The following SGCZ variants were observed in gnomAD, a reference collection of about 807,000 sequenced individuals.
The protein encoded by SGCZ is zeta-sarcoglycan.
SGCZ carries 40 observed loss-of-function variants against 41.3 expected under a neutral mutation model. That is an observed-to-expected ratio of 0.97 (90% confidence interval 0.75 to 1.26). SGCZ has a LOEUF of 1.26. Ranked by LOEUF, SGCZ falls within the 50% of genes most tolerant of loss-of-function variation. The probability of loss-of-function intolerance (pLI) is 0.00; values close to 1 mark genes in which losing one functional copy is unlikely to be tolerated. For synonymous variants in SGCZ, 206 were observed against 137.5 expected (o/e 1.50, Z -3.49); for missense variants, 552 against 369.8 (o/e 1.49, Z -4.04).
rs559816109 is a variant in SGCZ, at chr8:14,389,156, T to C, written c.235-64952A>G. ...AATACTGTTGAGGTGAGTATTAGAA[T>C]ACCGGACAATATACTTGGAGAAATC... On this transcript the variant is annotated intron_variant, in intron 2 of 7. Coordinates refer to ENST00000382080, the MANE Select transcript of SGCZ (RefSeq NM_139167.4). Among the ~76,000 whole-genome samples the C allele has an allele frequency of 6.0e-4, 91 of 152,042 alleles. 1 individual carries two copies. Among genetic ancestry groups the C allele is most frequent in the Non-Finnish European group, 1.0e-3 (68 of 67,920 alleles).
intron 7 of SGCZ, among the ~76,000 whole-genome samples, chr8:14,094,045 T>C (rs1167554486): frequency 6.6e-6 from 1 of 152,076 alleles, no homozygotes; most frequent in African/African-American, 2.4e-5. Context: ...CTCTCCCCTC[T>C]AAGTTACAAA....
intron 1 of SGCZ, among the ~76,000 whole-genome samples, chr8:14,799,355 G>A (rs975679497): frequency 1.3e-5 from 2 of 152,098 alleles, no homozygotes; most frequent in African/African-American, 4.8e-5. Flanking sequence ...TTTAAATAAA[G>A]ATTCACTTTA....
chr8:15,036,147 A>G (rs955656650), intron 1 of SGCZ, among the ~76,000 whole-genome samples: 1 of 152,126 alleles, frequency 6.6e-6, no homozygotes. Flanking sequence ...GAAAAAGGAG[A>G]TGTTACACTA....
intron 1 of SGCZ, among the ~76,000 whole-genome samples, chr8:15,175,269 A>G (rs762299494): frequency 4.6e-5 from 7 of 152,098 alleles, no homozygotes; most frequent in Non-Finnish European, 7.4e-5. Context: ...TAGCAAAAAC[A>G]TGGAATCAAC....
intron 2 of SGCZ, among the ~76,000 whole-genome samples, chr8:14,537,714 A>G (rs1267735083): frequency 2.0e-5 from 3 of 151,920 alleles, no homozygotes; most frequent in East Asian, 1.9e-4. Flanking sequence ...ATCATGCTCA[A>G]CTGTGTCATT....
intron 1 of SGCZ, among the ~76,000 whole-genome samples, chr8:15,162,249 T>C (rs1386818370): frequency 1.3e-5 from 2 of 151,032 alleles, no homozygotes; most frequent in African/African-American, 4.9e-5. Flanking sequence ...TTTGCATTAA[T>C]CAATAGATTA....
intron 1 of SGCZ, among the ~76,000 whole-genome samples, chr8:14,858,511 G>C (rs529723449): frequency 6.6e-6 from 1 of 152,220 alleles, no homozygotes; most frequent in Admixed American, 6.5e-5. Flanking sequence ...GTTGGATATA[G>C]TTGGCAAAGG....
At position 14,473,554 on chromosome 8, in the gene SGCZ, C is replaced by T. The variant is rs567118283; in HGVS notation, c.234+81178G>A. ...AATTTTGACCCAGAATTGTCAACTA[C>T]ATAGGTGTTAGTGATAGGTATTAGT... is the stretch of plus-strand genomic sequence containing the variant. On this transcript the variant is annotated intron_variant, in intron 2 of 7. Transcript: ENST00000382080. Among the ~76,000 whole-genome samples, 12 of 152,202 alleles carry T rather than the reference C, an allele frequency of 7.9e-5. No homozygotes were observed. In the South Asian group the frequency reaches 2.5e-3, roughly 32 times the overall value.
chr8:14,823,703 A>G (rs1802191910), intron 1 of SGCZ, among the ~76,000 whole-genome samples: 1 of 152,192 alleles, frequency 6.6e-6, no homozygotes, highest in African/African-American at 2.4e-5. Context: ...GAACTACCAT[A>G]TCATCCAGCA....
chr8:14,175,970 A>G (rs1190854401), intron 4 of SGCZ, among the ~76,000 whole-genome samples: 2 of 152,178 alleles, frequency 1.3e-5, no homozygotes, highest in African/African-American at 4.8e-5. Flanking sequence ...GTGTTATTCC[A>G]TAACGACAAA....
chr8:14,169,653 A>G (rs938807665), intron 4 of SGCZ, among the ~76,000 whole-genome samples: 3 of 152,174 alleles, frequency 2.0e-5, no homozygotes, highest in Admixed American at 1.3e-4. Flanking sequence ...GGGGCTGGCT[A>G]TCTTTCGCTA....
chr8:14,755,251 G>C (rs1243071495), intron 1 of SGCZ, among the ~76,000 whole-genome samples: 2 of 151,834 alleles, frequency 1.3e-5, no homozygotes, highest in Non-Finnish European at 2.9e-5. Flanking sequence ...AACAGCATTT[G>C]TTTGCTGTTT....
intron 4 of SGCZ, among the ~76,000 whole-genome samples, chr8:14,182,014 T>G (rs2117025267): frequency 6.6e-6 from 1 of 152,300 alleles, no homozygotes; most frequent in South Asian, 2.1e-4. Context: ...GAGATATGTT[T>G]TACTAGCAGG....
At chr8:14,656,845 G>A (rs1464514265) in intron 1 of SGCZ, among the ~76,000 whole-genome samples, 1 of 151,832 alleles carries the variant, frequency 6.6e-6, no homozygotes, top group South Asian at 2.1e-4. Context: ...AAAGAAATAT[G>A]ACTTACATGT....
chr8:14,847,008 A>G (rs777784009), intron 1 of SGCZ, among the ~76,000 whole-genome samples: 2 of 151,708 alleles, frequency 1.3e-5, no homozygotes, highest in Non-Finnish European at 2.9e-5. Context: ...GGAGGCGGAG[A>G]TTGCAGTGAG....
At chr8:15,122,562 A>G (rs997554792) in intron 1 of SGCZ, among the ~76,000 whole-genome samples, 20 of 152,148 alleles carry the variant, frequency 1.3e-4, no homozygotes, top group Non-Finnish European at 1.2e-4. Context: ...TAATAGCCCA[A>G]TGTCTAGACC....
chr8:14,332,967 C>A (rs942272259), intron 2 of SGCZ, among the ~76,000 whole-genome samples: 20 of 150,146 alleles, frequency 1.3e-4, no homozygotes, highest in African/African-American at 4.6e-4. Context: ...TGTTCACATA[C>A]GAAATGGAGA....
intron 4 of SGCZ, 36 bp downstream of exon 4, chr8:14,237,556 G>C (rs778784741): frequency 1.3e-6 from 2 of 1,562,870 alleles, no homozygotes; most frequent in South Asian, 1.2e-5. Context: ...AAAAAACCAA[G>C]CACAGTAGGA....
At chr8:14,552,387 C>G (rs895931471) in intron 2 of SGCZ, among the ~76,000 whole-genome samples, 2 of 151,990 alleles carry the variant, frequency 1.3e-5, no homozygotes, top group Non-Finnish European at 2.9e-5. Context: ...CAGTGTGATA[C>G]ATTCCTGAAA....
Sources: gnomAD v4.1 joint callset for allele counts (sites outside exome capture counted in the v4.1 genomes callset) on GRCh38, gnomAD v4.1.1 for gene constraint, MANE v1.5 for transcripts, NCBI Gene and HGNC (gene_info 2026-07-23, HGNC 2026-07-21) for gene names.